CORO2B: variants seen among roughly 807,000 people sequenced by gnomAD.
CORO2B encodes coronin 2B, also known as coronin-2B.
CORO2B carries 26 observed loss-of-function variants against 58.8 expected under a neutral mutation model. The ratio of observed to expected loss-of-function variants is 0.44; its 90% CI spans 0.32 to 0.61. CORO2B has a LOEUF of 0.61. CORO2B is among the 20% of genes least tolerant of loss of function. The pLI is 0.04. For synonymous variants in CORO2B, 242 were observed against 253.8 expected, an observed-to-expected ratio of 0.95 and a Z score of 0.44; for missense variants, 460 against 645.1, an observed-to-expected ratio of 0.71 and a Z score of 3.11.
intron 2 of CORO2B, among the ~76,000 whole-genome samples, chr15:68,678,095 A>G (rs572646860): frequency 6.6e-6 from 1 of 152,326 alleles, no homozygotes; most frequent in African/African-American, 2.4e-5. Context: ...CAAAGGCCTA[A>G]CATGCACTTG....
At chr15:68,719,679 AAG>A in intron 11 of CORO2B, 127 bp downstream of exon 11, 1 of 1,078,388 alleles carries the variant, frequency 9.3e-7, no homozygotes. Context: ...CAAATGCCAT[AAG>A]TAGCCTGATA....
At chr15:68,711,429 C>A in intron 4 of CORO2B, 113 bp from the exon 5 acceptor site, 1 of 862,320 alleles carries the variant, frequency 1.2e-6, no homozygotes, top group Non-Finnish European at 1.8e-6. Flanking sequence ...CCCCAGCACA[C>A]CCCAGGCCCT....
chr15:68,613,897 A>T (rs117813868), intron 1 of CORO2B, among the ~76,000 whole-genome samples: 2,625 of 152,304 alleles, frequency 0.017, 35 homozygotes, highest in Non-Finnish European at 0.023. Flanking sequence ...TTGCTTTTCA[A>T]TTATAAATTG....
the CORO2B span, among the ~76,000 whole-genome samples, chr15:68,563,932 A>G: frequency 1.2e-4 from 19 of 152,228 alleles, no homozygotes; most frequent in African/African-American, 4.6e-4. Flanking sequence ...TCTACCAAAC[A>G]TTTAAAGAAG....
At chr15:68,722,611 A>C (rs1026534281) in intron 11 of CORO2B, among the ~76,000 whole-genome samples, 2 of 152,272 alleles carry the variant, frequency 1.3e-5, no homozygotes. Flanking sequence ...CCAAAAAACA[A>C]TGCAAAGAAA....
chr15:68,536,787 A>G, the CORO2B span, among the ~76,000 whole-genome samples: 1 of 152,266 alleles, frequency 6.6e-6, no homozygotes, highest in South Asian at 2.1e-4. Context: ...GGTCTGGCCA[A>G]TGACATGGAA....
chr15:68,607,345 C>T (rs1283875603), intron 1 of CORO2B, among the ~76,000 whole-genome samples: 4 of 152,138 alleles, frequency 2.6e-5, no homozygotes, highest in African/African-American at 4.8e-5. Flanking sequence ...ATGGCATGGC[C>T]GCCTCAGAGT....
At chr15:68,639,814 A>G (rs1266579464) in intron 1 of CORO2B, among the ~76,000 whole-genome samples, 2 of 152,116 alleles carry the variant, frequency 1.3e-5, no homozygotes, top group African/African-American at 2.4e-5. Context: ...CTCAAAACCA[A>G]TATGTCCCAG....
chr15:68,711,111 G>T (rs1892906110), intron 4 of CORO2B, among the ~76,000 whole-genome samples: 1 of 152,140 alleles, frequency 6.6e-6, no homozygotes, highest in Non-Finnish European at 1.5e-5. Context: ...TTCTCTGGTG[G>T]TTGATTGGAG....
the CORO2B span, among the ~76,000 whole-genome samples, chr15:68,565,613 A>G: frequency 5.3e-5 from 8 of 151,900 alleles, no homozygotes; most frequent in Non-Finnish European, 1.2e-4. Flanking sequence ...TCTTTCTTTT[A>G]TTGCCAGATT....
chr15:68,618,427 G>T (rs1385264468), intron 1 of CORO2B, among the ~76,000 whole-genome samples: 2 of 152,230 alleles, frequency 1.3e-5, no homozygotes, highest in East Asian at 3.9e-4. Context: ...AGTTCAAGTG[G>T]CACTTGAGCT....
chr15:68,682,958 C>T (rs947284148), intron 2 of CORO2B, among the ~76,000 whole-genome samples: 3 of 152,182 alleles, frequency 2.0e-5, no homozygotes, highest in Admixed American at 1.3e-4. Context: ...CCTCTTTTCC[C>T]TCCTCGTTCC....
chr15:68,680,392 G>A (rs373767771), intron 2 of CORO2B, among the ~76,000 whole-genome samples: 5 of 152,192 alleles, frequency 3.3e-5, no homozygotes, highest in Admixed American at 6.5e-5. Flanking sequence ...ACAAACACCC[G>A]TGAAATAAAG....
chr15:68,559,736 G>A, the CORO2B span: 1 of 685,072 alleles, frequency 1.5e-6, no homozygotes, highest in Non-Finnish European at 1.8e-6. The surrounding 1 kb of genome is among the most constrained non-coding windows in gnomAD (Gnocchi z 4.3). Context: ...TGAGGCTGCG[G>A]CGCCCGAGAC....
At chr15:68,680,087 C>T (rs1190852289) in intron 2 of CORO2B, among the ~76,000 whole-genome samples, 2 of 151,896 alleles carry the variant, frequency 1.3e-5, no homozygotes, top group African/African-American at 4.8e-5. Flanking sequence ...TGGTGGATGG[C>T]GGTTCTCTCG....
chr15:68,694,493 T>C (rs1370486549), intron 2 of CORO2B, among the ~76,000 whole-genome samples: 1 of 152,178 alleles, frequency 6.6e-6, no homozygotes, highest in Non-Finnish European at 1.5e-5. Flanking sequence ...CCGAAGACTA[T>C]GCTTTCAACC....
chr15:68,630,925 T>TA (rs746489981), intron 1 of CORO2B, among the ~76,000 whole-genome samples: 2 of 152,324 alleles, frequency 1.3e-5, no homozygotes, highest in Non-Finnish European at 2.9e-5. Flanking sequence ...GAACTTTTCT[T>TA]ATGTCTCTCT....
chr15:68,708,544 T>C (rs562096044), intron 3 of CORO2B, among the ~76,000 whole-genome samples: 3 of 151,938 alleles, frequency 2.0e-5, no homozygotes, highest in African/African-American at 7.2e-5. Context: ...TGTATTTTTT[T>C]AGTAGAGATG....
intron 1 of CORO2B, among the ~76,000 whole-genome samples, chr15:68,598,317 T>C (rs1201904590): frequency 6.6e-6 from 1 of 152,222 alleles, no homozygotes; most frequent in Non-Finnish European, 1.5e-5. Flanking sequence ...TAAACCCTCC[T>C]AGAACTGCTG....
Sources: allele counts gnomAD v4.1 joint callset (sites outside exome capture counted in the v4.1 genomes callset), GRCh38; gene constraint gnomAD v4.1.1; non-coding constraint Gnocchi (gnomAD v3.1); transcripts MANE v1.5; gene names NCBI Gene and HGNC (gene_info 2026-07-23, HGNC 2026-07-21).